The following CCDC3 variants were observed in gnomAD, a reference collection of about 807,000 sequenced individuals.
The protein encoded by CCDC3 is coiled-coil domain containing 3, also known as coiled-coil domain-containing protein 3.
In CCDC3, 24 loss-of-function variants were observed where a neutral mutation model predicts 21.4. That is an observed-to-expected ratio of 1.12 (90% confidence interval 0.81 to 1.58). The LOEUF is 1.58. CCDC3 is among the 40% of genes most tolerant of loss of function. The pLI is 0.00. For synonymous variants in CCDC3, 186 were observed against 166.0 expected, an observed-to-expected ratio of 1.12 and a Z score of -0.93; for missense variants, 425 against 360.9, an observed-to-expected ratio of 1.18 and a Z score of -1.44.
At chr10:12,924,690 C>T (rs1834505689) in intron 2 of CCDC3, 3 of 152,166 alleles carry the variant, frequency 2.0e-5, no homozygotes, top group Admixed American at 6.5e-5. Flanking sequence ...TGAGGCAACT[C>T]CTCCTCTTCT....
intron 2 of CCDC3, among the ~76,000 whole-genome samples, chr10:12,988,735 C>T (rs1835636633): frequency 6.6e-6 from 1 of 152,206 alleles, no homozygotes; most frequent in Admixed American, 6.5e-5. Flanking sequence ...CTGTCTCTCC[C>T]TCATCCCACT....
chr10:13,029,570 C>T (rs944142868), intron 5 of CCDC3, among the ~76,000 whole-genome samples: 4 of 152,016 alleles, frequency 2.6e-5, no homozygotes, highest in South Asian at 2.1e-4. Context: ...CCGAACCCAT[C>T]GCAAAGAAGC....
chr10:13,050,947 C>T lies in CCDC3; in HGVS notation c.-269-1006G>A, dbSNP rs568801521. Among the ~76,000 whole-genome samples, 17 of 152,044 alleles carry T rather than the reference C, an allele frequency of 1.1e-4. No homozygotes were observed. In the East Asian group the frequency reaches 1.7e-3, roughly 16 times the overall value. ...GACTACAGGTGCACTCCACCACACC[C>T]GGCTAATTTAAAAAAATTTTTTTTG... On this transcript the variant is annotated intron_variant, in intron 4 of 6. Transcript: ENST00000378839.
intron 2 of CCDC3, among the ~76,000 whole-genome samples, chr10:12,970,645 G>A (rs1239510100): frequency 2.0e-5 from 3 of 152,176 alleles, no homozygotes; most frequent in African/African-American, 4.8e-5. Flanking sequence ...TTGGGAGGCC[G>A]AGGCAGGGCA....
chr10:12,971,198 C>T (rs1489923058), intron 2 of CCDC3, among the ~76,000 whole-genome samples: 1 of 152,184 alleles, frequency 6.6e-6, no homozygotes, highest in Non-Finnish European at 1.5e-5. Context: ...GGAGTGTAAC[C>T]CTAAGTAGCT....
intron 4 of CCDC3, among the ~76,000 whole-genome samples, chr10:13,055,488 C>T (rs1307023466): frequency 2.0e-5 from 3 of 148,228 alleles, no homozygotes; most frequent in Non-Finnish European, 3.0e-5. Context: ...CACCACCATA[C>T]CTGGTTAATT....
chr10:13,017,513 T>C (rs1836081450), intron 5 of CCDC3, among the ~76,000 whole-genome samples: 1 of 72,618 alleles, frequency 1.4e-5, no homozygotes, highest in Non-Finnish European at 3.2e-5. Flanking sequence ...CAAGACTCCA[T>C]CTCAAAAAAA....
intron 2 of CCDC3, among the ~76,000 whole-genome samples, chr10:12,951,986 T>C (rs1835015849): frequency 6.6e-6 from 1 of 152,110 alleles, no homozygotes; most frequent in Non-Finnish European, 1.5e-5. Context: ...CCATGTCTAG[T>C]ACAACCTTCT....
At chr10:12,965,715 G>A (rs2131260539) in intron 2 of CCDC3, among the ~76,000 whole-genome samples, 1 of 152,286 alleles carries the variant, frequency 6.6e-6, no homozygotes, top group South Asian at 2.1e-4. Flanking sequence ...CTTTTCTCAT[G>A]TAATCATGAG....
chr10:13,002,856 C>T (rs1835876284), upstream of CCDC3, among the ~76,000 whole-genome samples: 1 of 152,122 alleles, frequency 6.6e-6, no homozygotes, highest in African/African-American at 2.4e-5. Flanking sequence ...TCCTGGCTTA[C>T]AGACGGCCAC....
rs1168427551 is a variant in CCDC3 at position 12,898,593 on chromosome 10, C to T, written c.636G>A (p.Lys212=). ...KLQQKVATLE[K]RNRQLRERVK... The stretch of plus-strand genomic sequence containing the variant: ...CTCGCTCCCGGAGCTGCCGGTTGCG[C>T]TTCTCCAGGGTGGCCACTTTCTGCT... Residue 212 remains lysine, a synonymous_variant, in exon 3 of 3, where the codon AAG becomes AAA. Coordinates refer to ENST00000378825, the MANE Select transcript of CCDC3 (RefSeq NM_031455.4). 6.2e-6 allele frequency: 10 copies of T among 1,614,104 alleles called. No individual in the cohort carries two copies. The highest frequency in any genetic ancestry group is 8.5e-6 in the Non-Finnish European group (10 of 1,180,026).
At chr10:13,007,626 A>G (rs181488012) in intron 5 of CCDC3, among the ~76,000 whole-genome samples, 6 of 152,224 alleles carry the variant, frequency 3.9e-5, no homozygotes, top group East Asian at 1.9e-4. Context: ...TATGACTACA[A>G]TTGCCTTATA....
At chr10:13,095,025 G>A (rs74119431) in intron 3 of CCDC3, among the ~76,000 whole-genome samples, 205 of 152,230 alleles carry the variant, frequency 1.3e-3, no homozygotes, top group African/African-American at 4.9e-3. Flanking sequence ...CATTCTGATG[G>A]AGGCTTCAAC....
chr10:13,041,985 A>T (rs1180976031), intron 5 of CCDC3, among the ~76,000 whole-genome samples: 1 of 152,178 alleles, frequency 6.6e-6, no homozygotes, highest in Non-Finnish European at 1.5e-5. Flanking sequence ...ACTCACCACC[A>T]TCTCCCTAAG....
chr10:13,037,909 A>C (rs11258148), intron 5 of CCDC3, among the ~76,000 whole-genome samples: 12,852 of 151,822 alleles, frequency 0.085, 575 homozygotes, highest in East Asian at 0.15. Flanking sequence ...ACACTTCCCT[A>C]CTCCTCTGCT....
intron 2 of CCDC3, among the ~76,000 whole-genome samples, chr10:12,949,673 C>T (rs1834980086): frequency 6.6e-6 from 1 of 152,216 alleles, no homozygotes; most frequent in Admixed American, 6.5e-5. Flanking sequence ...CGCAGGTTCA[C>T]TTTCCTAAAT....
chr10:12,937,620 G>A (rs1196438754), intron 2 of CCDC3, among the ~76,000 whole-genome samples: 1 of 152,118 alleles, frequency 6.6e-6, no homozygotes, highest in African/African-American at 2.4e-5. Flanking sequence ...TTCTGAAAAA[G>A]AGCCCATAAG....
At chr10:12,974,729 C>A (rs990631097) in intron 2 of CCDC3, among the ~76,000 whole-genome samples, 3 of 152,214 alleles carry the variant, frequency 2.0e-5, no homozygotes, top group African/African-American at 7.2e-5. Context: ...ATCATTCATT[C>A]TTCCTTGGGT....
intron 2 of CCDC3, among the ~76,000 whole-genome samples, chr10:12,902,750 C>CT (rs1419116931): frequency 2.6e-5 from 4 of 152,168 alleles, no homozygotes; most frequent in African/African-American, 9.7e-5. Context: ...ACACAACACT[C>CT]TTCACAGTTA....
Sources: allele counts gnomAD v4.1 joint callset (sites outside exome capture counted in the v4.1 genomes callset), GRCh38; gene constraint gnomAD v4.1.1; transcripts MANE v1.5; gene names NCBI Gene and HGNC (gene_info 2026-07-23, HGNC 2026-07-21).